The following MYO18A variants were observed in gnomAD, a reference collection of about 807,000 sequenced individuals.
MYO18A encodes the protein unconventional myosin-XVIIIa.
MYO18A carries 78 observed loss-of-function variants against 235.8 expected under a neutral mutation model. That is an observed-to-expected ratio of 0.33 (90% CI 0.28 to 0.40). The LOEUF is 0.40. Among genes scored for constraint, MYO18A ranks in the 10% least tolerant of loss-of-function variants. The probability of loss-of-function intolerance (pLI) is 1.00; values close to 1 mark genes in which losing one functional copy is unlikely to be tolerated. For missense variants in MYO18A, 2,215 were observed against 2,699.3 expected (o/e 0.82, Z 3.98); for synonymous variants, 977 against 1,077.8 (o/e 0.91, Z 1.83).
At chr17:29,104,113 C>G (rs1176619160) in intron 20 of MYO18A, among the ~76,000 whole-genome samples, 1 of 152,156 alleles carries the variant, frequency 6.6e-6, no homozygotes, top group Admixed American at 6.5e-5. Flanking sequence ...GAAGGTGCAA[C>G]TAGAGAGGGG....
At chr17:29,104,126 T>C (rs1211626899) in intron 20 of MYO18A, among the ~76,000 whole-genome samples, 1 of 152,178 alleles carries the variant, frequency 6.6e-6, no homozygotes, top group Non-Finnish European at 1.5e-5. Flanking sequence ...GAGAGGGGGC[T>C]GAAGCCAAAG....
At chr17:29,130,319 A>AAG (rs2067434399) in intron 2 of MYO18A, among the ~76,000 whole-genome samples, 1 of 150,906 alleles carries the variant, frequency 6.6e-6, no homozygotes, top group South Asian at 2.1e-4. Flanking sequence ...AAAAAAAAAA[A>AAG]AAAAGAAAAG....
intron 28 of MYO18A, 145 bp from the exon 29 acceptor site, chr17:29,095,204 G>C (rs2066492940): frequency 2.4e-6 from 3 of 1,273,154 alleles, no homozygotes; most frequent in Non-Finnish European, 3.1e-6. Context: ...TTGTAAGGTA[G>C]CGGTGACATT....
At chr17:29,129,195 T>G (rs977143404) in intron 2 of MYO18A, 4 of 1,032,190 alleles carry the variant, frequency 3.9e-6, no homozygotes. Flanking sequence ...GTCCCTCGTC[T>G]GCGGCCACTG....
chr17:29,097,530 C>T (rs953427584), intron 26 of MYO18A, among the ~76,000 whole-genome samples, 180 bp from the exon 27 acceptor site: 16 of 152,256 alleles, frequency 1.1e-4, no homozygotes, highest in African/African-American at 3.6e-4. Context: ...AAGACCAGAG[C>T]ATGAGATGTG....
In MYO18A at chr17:29,120,476, G is replaced by C; in HGVS notation, c.1728+140C>G. 4 of 1,169,326 alleles carry C rather than the reference G, an allele frequency of 3.4e-6. No individual in the cohort carries two copies. The South Asian group carries it at 4.7e-5, about 14-fold the overall frequency. 72.4% of individuals were successfully genotyped at this position (1,169,326 alleles called of 1,614,324 possible). ...AATGGTGATGCCTCTGGATAGTGCA[G>C]GCCAACCCTGCCCATGCCTGGGTCA... On this transcript the variant is annotated intron_variant, in intron 7 of 41. Transcript: ENST00000527372. The surrounding 1 kb of genome is among the most constrained non-coding windows in gnomAD (Gnocchi z 4.2).
intron 2 of MYO18A, chr17:29,128,205 G>C: frequency 8.7e-7 from 1 of 1,153,394 alleles, no homozygotes; most frequent in Non-Finnish European, 1.1e-6. Context: ...GGTGGGGGAG[G>C]GGGTGGCGGC....
Position 29,158,597 on chromosome 17 carries a change from G to A in MYO18A, c.999+7345C>T, listed in dbSNP as rs2068108876. Among the ~76,000 whole-genome samples, 1 of 152,180 alleles carries A rather than the reference G, an allele frequency of 6.6e-6. No individual in the cohort carries two copies. The highest frequency in any genetic ancestry group is 1.5e-5 in the Non-Finnish European group (1 of 68,024). ...CCCGCTGCCCAGGACTGACAATGGA[G>A]GCGCCAGGCTGCCTGCCCAGGCAGC... On this transcript the variant is annotated intron_variant, in intron 2 of 41. Transcript: ENST00000527372. This position sits in a 1 kb window ranked among gnomAD's most constrained non-coding sequence, Gnocchi z 4.3.
intron 40 of MYO18A, among the ~76,000 whole-genome samples, 177 bp downstream of exon 40, chr17:29,085,427 G>A (rs1264531930): frequency 2.6e-5 from 4 of 152,174 alleles, no homozygotes; most frequent in Non-Finnish European, 5.9e-5. Flanking sequence ...CTCATTGCCC[G>A]CTCCCTGCCT....
intron 2 of MYO18A, among the ~76,000 whole-genome samples, chr17:29,153,730 C>T (rs1276292716): frequency 6.6e-6 from 1 of 152,186 alleles, no homozygotes; most frequent in African/African-American, 2.4e-5. Flanking sequence ...TTCCTGCAGC[C>T]AAAACTAGTC....
chr17:29,128,428 C>T (rs1482696016), intron 2 of MYO18A: 10 of 1,289,544 alleles, frequency 7.8e-6, no homozygotes, highest in South Asian at 2.5e-5. Flanking sequence ...CCGGGCCGTT[C>T]ATGGCGAGTG....
rs758987145 is a variant in MYO18A at position 29,106,665 on chromosome 17, C to T, written c.3441+415G>A. On this transcript the variant is annotated intron_variant, in intron 20 of 41. Coordinates refer to ENST00000527372, the MANE Select transcript of MYO18A (RefSeq NM_078471.4). The surrounding 1 kb of genome is among the most constrained non-coding windows in gnomAD (Gnocchi z 4.6). The stretch of plus-strand genomic sequence containing the variant: ...CCCGGCAGCCTATGTTCACCTGGCA[C>T]CACGGAGGTCTCACCATATCCACCT... 9.9e-5 allele frequency among the ~76,000 whole-genome samples: 15 copies of T among 152,188 alleles called. No individual in the cohort carries two copies. Among genetic ancestry groups the T allele is most frequent in the Non-Finnish European group, 1.5e-5 (1 of 68,022 alleles).
chr17:29,141,088 C>T (rs1393618069), intron 2 of MYO18A, among the ~76,000 whole-genome samples: 3 of 152,256 alleles, frequency 2.0e-5, no homozygotes, highest in African/African-American at 4.8e-5. Context: ...GAATCAATTA[C>T]ACTCTCTTTG....
At chr17:29,138,536 G>T (rs1318285425) in intron 2 of MYO18A, among the ~76,000 whole-genome samples, 1 of 152,216 alleles carries the variant, frequency 6.6e-6, no homozygotes, top group Non-Finnish European at 1.5e-5. Flanking sequence ...GAGAAGGGAA[G>T]AAATACTAGC....
chr17:29,148,191 TTC>T (rs1448525544), intron 2 of MYO18A, among the ~76,000 whole-genome samples: 6 of 152,130 alleles, frequency 3.9e-5, no homozygotes, highest in Admixed American at 3.9e-4. Flanking sequence ...AAAAGAATAC[TTC>T]TCTGACCCCA....
At position 29,121,576 on chromosome 17, in the gene MYO18A, G is replaced by A. The variant is rs201198827; in HGVS notation, c.1342C>T (p.Arg448Cys). The A allele has an allele frequency of 2.9e-5, 47 of 1,604,102 alleles. No individual in the cohort carries two copies. In the Admixed American group the frequency reaches 3.3e-4, roughly 11 times the overall value. Residue 448 changes from arginine (R) to cysteine (C), a missense_variant, in exon 5 of 42, where the codon CGT becomes TGT. Coordinates refer to ENST00000527372, the MANE Select transcript of MYO18A (RefSeq NM_078471.4). The surrounding 1 kb of genome is among the most constrained non-coding windows in gnomAD (Gnocchi z 4.2). The part of the protein sequence containing the change: ...AGPSLLVLGP[R>C]GAPAVYSEKV... ...TCAGAGTACACAGCAGGGGCCCCAC[G>A]GGGGCCAAGAACCAGCAGGCTGGGG...
At chr17:29,176,422 T>G (rs2068528939) in intron 1 of MYO18A, 1 of 151,682 alleles carries the variant, frequency 6.6e-6, no homozygotes, top group South Asian at 2.1e-4. Flanking sequence ...ACTATAACGT[T>G]AGAGTCCCAA....
intron 41 of MYO18A, chr17:29,077,251 CCCT>C (rs2066004340): frequency 6.6e-6 from 1 of 152,272 alleles, no homozygotes; most frequent in Non-Finnish European, 1.5e-5. Flanking sequence ...CAGGCCGCTG[CCCT>C]CCTCTCCAGG....
intron 2 of MYO18A, among the ~76,000 whole-genome samples, chr17:29,151,994 G>A (rs1056781058): frequency 6.6e-6 from 1 of 152,202 alleles, no homozygotes; most frequent in African/African-American, 2.4e-5. Flanking sequence ...ACATGCTGGA[G>A]AGGAGGCTCA....
Sources: gnomAD v4.1 joint callset for allele counts (sites outside exome capture counted in the v4.1 genomes callset) on GRCh38, gnomAD v4.1.1 for gene constraint, Gnocchi (gnomAD v3.1) non-coding constraint, MANE v1.5 for transcripts, NCBI Gene and HGNC (gene_info 2026-07-23, HGNC 2026-07-21) for gene names.